TMIGD2: variants seen among roughly 807,000 people sequenced by gnomAD.
The protein encoded by TMIGD2 is transmembrane and immunoglobulin domain containing 2, also known as transmembrane and immunoglobulin domain-containing protein 2.
A neutral mutation model predicts 22.6 loss-of-function variants in TMIGD2; 18 were observed. That is an observed-to-expected ratio of 0.80 (90% CI 0.55 to 1.18). The LOEUF (loss-of-function observed/expected upper bound fraction) is 1.18. Ranked by LOEUF, TMIGD2 falls within the 50% of genes most tolerant of loss-of-function variation. The pLI, the probability that TMIGD2 is intolerant of heterozygous loss-of-function variation, is 0.00. For synonymous variants in TMIGD2, 184 were observed against 154.1 expected (o/e 1.19, Z -1.44); for missense variants, 361 against 378.2 (o/e 0.95, Z 0.38).
intron 4 of TMIGD2, 25 bp from the exon 5 acceptor site, chr19:4,292,910 A>G: frequency 6.2e-7 from 1 of 1,611,764 alleles, no homozygotes; most frequent in Non-Finnish European, 8.5e-7. Context: ...ACAGACCAAG[A>G]GGATCACTTA....
chr19:4,293,561 A>ATTT (rs548398108), intron 4 of TMIGD2, among the ~76,000 whole-genome samples: 7 of 142,080 alleles, frequency 4.9e-5, no homozygotes, highest in East Asian at 2.1e-4. Flanking sequence ...CACCCGGCCA[A>ATTT]TTTTTTTTTT....
intron 1 of TMIGD2, among the ~76,000 whole-genome samples, chr19:4,301,935 T>C (rs919247086): frequency 6.6e-6 from 1 of 152,096 alleles, no homozygotes; most frequent in Admixed American, 6.6e-5. Flanking sequence ...TGAGATGCAA[T>C]TGCAGAGGAG....
At chr19:4,297,897 T>A in intron 2 of TMIGD2, 89 bp downstream of exon 2, 3 of 1,408,536 alleles carry the variant, frequency 2.1e-6, no homozygotes, top group Admixed American at 2.7e-5. Context: ...GAATTTAGAG[T>A]TTTTTGTTTC....
intron 4 of TMIGD2, among the ~76,000 whole-genome samples, chr19:4,293,581 T>C (rs1290176472): frequency 6.6e-6 from 1 of 151,200 alleles, no homozygotes; most frequent in East Asian, 2.0e-4. Flanking sequence ...TTTTTTAATT[T>C]CAAACTGTCT....
At chr19:4,292,754 G>C (rs369769262) in exon 5 of TMIGD2, 13 of 1,609,946 alleles carry the variant, frequency 8.1e-6, no homozygotes, top group African/African-American at 5.4e-5. Flanking sequence ...TGCGGCTGGC[G>C]GGGGGCCGGT....
chr19:4,298,038 A>G (rs1472839038), exon 2 of TMIGD2: 2 of 1,612,430 alleles, frequency 1.2e-6, no homozygotes, highest in South Asian at 1.1e-5. Context: ...CCAACTCAGG[A>G]ATCTCTACGG....
At position 4,293,763 on chromosome 19, in the gene TMIGD2, A is replaced by T. The variant is rs187022327; in HGVS notation, c.562+804T>A. 1.6e-3 allele frequency among the ~76,000 whole-genome samples: 241 copies of T among 151,096 alleles called. 2 individuals carry two copies. The highest frequency in any genetic ancestry group is 5.7e-3 in the African/African-American group (236 of 41,076). On this transcript the variant is annotated intron_variant, in intron 4 of 4. Transcript: ENST00000301272. Reference sequence around the variant, plus strand: ...AGGCGTGTGCCACCAAGCCAGGCTAATTTTTTTGTTGTTGTTGAGATGGAG... The same window carrying T: ...AGGCGTGTGCCACCAAGCCAGGCTATTTTTTTTGTTGTTGTTGAGATGGAG...
intron 2 of TMIGD2, among the ~76,000 whole-genome samples, chr19:4,295,941 C>T (rs1370546764): frequency 2.0e-5 from 3 of 152,112 alleles, no homozygotes; most frequent in Non-Finnish European, 4.4e-5. Flanking sequence ...TTTCTGGAGA[C>T]AGGGTCGCTC....
At position 4,292,436 on chromosome 19, in the gene TMIGD2, G is replaced by T. The variant is rs146297078; in HGVS notation, c.*163C>A. 9.5e-4 allele frequency: 722 copies of T among 757,812 alleles called. 2 individuals are homozygous for T. In the African/African-American group the frequency reaches 1.0e-2, roughly 10 times the overall value. 46.9% of individuals were successfully genotyped at this position (757,812 alleles called of 1,614,324 possible). Reference sequence around the variant, plus strand: ...GGCTCACTGCAACCTCCGCCTCCCAGGTTCAAGCCAGGCTGGTCTCAAACC... The same window carrying T: ...GGCTCACTGCAACCTCCGCCTCCCATGTTCAAGCCAGGCTGGTCTCAAACC... On this transcript the variant is annotated 3_prime_UTR_variant, in exon 5 of 5. Transcript: ENST00000301272.
At chr19:4,295,015 C>T (rs1971442544) in intron 2 of TMIGD2, among the ~76,000 whole-genome samples, 199 bp from the exon 3 acceptor site, 1 of 151,938 alleles carries the variant, frequency 6.6e-6, no homozygotes, top group South Asian at 2.1e-4. Flanking sequence ...AATCCGAGCA[C>T]TCTGGGAGGC....
At chr19:4,293,002 C>G (rs571030720) in intron 4 of TMIGD2, 117 bp from the exon 5 acceptor site, 55 of 1,486,988 alleles carry the variant, frequency 3.7e-5, no homozygotes, top group Non-Finnish European at 5.0e-5. Context: ...CTCACTCTGT[C>G]GCCCAGGCTG....
chr19:4,296,006 A>G (rs969380187), intron 2 of TMIGD2, among the ~76,000 whole-genome samples: 11 of 151,806 alleles, frequency 7.2e-5, no homozygotes, highest in African/African-American at 2.7e-4. Context: ...GCAGTCTCCA[A>G]CTCCTGGGCT....
At chr19:4,293,510 G>A (rs909942847) in intron 4 of TMIGD2, among the ~76,000 whole-genome samples, 18 of 146,702 alleles carry the variant, frequency 1.2e-4, no homozygotes, top group African/African-American at 3.8e-4. Flanking sequence ...TTCGCCCGCC[G>A]TGGCCTCCCA....
At chr19:4,292,300 A>C in exon 5 of TMIGD2, 1 of 372,296 alleles carries the variant, frequency 2.7e-6, no homozygotes. Context: ...TACAGAAATG[A>C]GGACGGGGTC....
In TMIGD2 at chr19:4,293,109, T is replaced by A. The variant is rs145528884; in HGVS notation, c.563-224A>T. 1.3e-3 allele frequency among the ~76,000 whole-genome samples: 201 copies of A among 151,184 alleles called. 10 individuals carry two copies. In the East Asian group the frequency reaches 0.035, roughly 26 times the overall value. ...CTCCCAACTAGCTGGGACTACAGGC[T>A]CCCGCCACCATGCCTGGCTGATTTT... On this transcript the variant is annotated intron_variant, in intron 4 of 4. Coordinates refer to ENST00000301272, the Ensembl canonical transcript of TMIGD2.
intron 2 of TMIGD2, among the ~76,000 whole-genome samples, chr19:4,295,587 G>A (rs566860188): frequency 1.3e-5 from 2 of 151,878 alleles, no homozygotes; most frequent in East Asian, 1.9e-4. Context: ...GAGGCTCATC[G>A]TCCCTGTCTT....
intron 4 of TMIGD2, 104 bp downstream of exon 4, chr19:4,294,475 T>G: frequency 9.2e-7 from 1 of 1,091,624 alleles, no homozygotes; most frequent in South Asian, 1.4e-5. Flanking sequence ...CCTTCATCCC[T>G]CCTCCATCCT....
At chr19:4,294,350 C>T (rs1248349194) in intron 4 of TMIGD2, among the ~76,000 whole-genome samples, 3 of 152,168 alleles carry the variant, frequency 2.0e-5, no homozygotes, top group Non-Finnish European at 4.4e-5. Context: ...CCACCGCGCC[C>T]AGCAATTTGT....
exon 5 of TMIGD2, chr19:4,292,692 G>C: frequency 2.5e-6 from 4 of 1,602,634 alleles, no homozygotes; most frequent in Non-Finnish European, 3.4e-6. Flanking sequence ...CGGGGTGGCC[G>C]GGCCTGGGGC....
Sources: gnomAD v4.1 joint callset for allele counts (sites outside exome capture counted in the v4.1 genomes callset) on GRCh38, gnomAD v4.1.1 for gene constraint, MANE v1.5 for transcripts, NCBI Gene and HGNC (gene_info 2026-07-23, HGNC 2026-07-21) for gene names.